CDH13: variants seen among roughly 807,000 people sequenced by gnomAD.
CDH13 encodes the protein cadherin-13.
A neutral mutation model predicts 63.8 loss-of-function variants in CDH13; 24 were observed. The observed-to-expected ratio is 0.38, with a 90% CI of 0.27 to 0.53. The LOEUF is 0.53. Ranked by LOEUF, CDH13 falls within the 20% of genes least tolerant of loss-of-function variation. The pLI is 0.85. For missense variants in CDH13, 1,049 were observed against 903.1 expected (o/e 1.16, Z -2.07); for synonymous variants, 503 against 355.3 (o/e 1.42, Z -4.67).
chr16:82,669,180 C>G (rs950915513), intron 1 of CDH13, among the ~76,000 whole-genome samples: 2 of 152,184 alleles, frequency 1.3e-5, no homozygotes, highest in Admixed American at 6.5e-5. Flanking sequence ...CCATCGGAAA[C>G]CTCTTGAGGA....
intron 1 of CDH13, chr16:82,705,055 C>T (rs1192399454): frequency 4.6e-6 from 2 of 435,832 alleles, no homozygotes; most frequent in Non-Finnish European, 9.0e-6. Context: ...TCTTTTTATT[C>T]TTGTAGACAC....
At chr16:83,751,790 G>A (rs1289865018) in intron 11 of CDH13, among the ~76,000 whole-genome samples, 1 of 152,210 alleles carries the variant, frequency 6.6e-6, no homozygotes, top group Non-Finnish European at 1.5e-5. Context: ...GCAATATTCA[G>A]GTTTCTGGTC....
chr16:83,626,807 C>G (rs1049110354), intron 8 of CDH13, among the ~76,000 whole-genome samples: 13 of 152,096 alleles, frequency 8.5e-5, no homozygotes, highest in Admixed American at 7.9e-4. Flanking sequence ...GAATTTAGTC[C>G]TGAATCCCAC....
At chr16:83,765,552 A>G (rs11639876) in intron 11 of CDH13, among the ~76,000 whole-genome samples, 4,913 of 119,042 alleles carry the variant, frequency 0.041, 119 homozygotes, top group East Asian at 0.095. Context: ...ATATATATAT[A>G]TACACACACA....
At chr16:83,423,357 T>G (rs537184285) in intron 6 of CDH13, among the ~76,000 whole-genome samples, 2 of 152,274 alleles carry the variant, frequency 1.3e-5, no homozygotes, top group African/African-American at 4.8e-5. Context: ...AAAAAAAGCC[T>G]AAAGCCACTC....
chr16:83,275,863 G>C (rs1291927915), intron 5 of CDH13, among the ~76,000 whole-genome samples: 1 of 152,186 alleles, frequency 6.6e-6, no homozygotes, highest in Non-Finnish European at 1.5e-5. Flanking sequence ...GGTCACAAAT[G>C]AGCCATGAAA....
At chr16:83,505,778 G>A (rs1472350962) in intron 7 of CDH13, among the ~76,000 whole-genome samples, 3 of 151,986 alleles carry the variant, frequency 2.0e-5, no homozygotes, top group Admixed American at 6.5e-5. Context: ...CCTGACCTCA[G>A]GTGATCCACC....
intron 10 of CDH13, among the ~76,000 whole-genome samples, chr16:83,722,347 C>G (rs1909806580): frequency 1.3e-5 from 2 of 152,100 alleles, no homozygotes; most frequent in South Asian, 4.1e-4. Flanking sequence ...AAAGGGGATC[C>G]CTGTTATTCG....
intron 9 of CDH13, among the ~76,000 whole-genome samples, chr16:83,673,087 A>G (rs1914655218): frequency 6.6e-6 from 1 of 152,246 alleles, no homozygotes; most frequent in Non-Finnish European, 1.5e-5. Flanking sequence ...TTATTCATAC[A>G]TAGTACATTC....
intron 5 of CDH13, among the ~76,000 whole-genome samples, chr16:83,254,160 G>C (rs888090400): frequency 2.0e-5 from 3 of 152,184 alleles, no homozygotes; most frequent in Admixed American, 6.5e-5. Flanking sequence ...CTTAAATCCA[G>C]GCATCAGGTG....
At chr16:83,262,160 T>C (rs572869596) in intron 5 of CDH13, among the ~76,000 whole-genome samples, 3 of 152,134 alleles carry the variant, frequency 2.0e-5, no homozygotes, top group Non-Finnish European at 2.9e-5. Context: ...GTCATATAAA[T>C]TGAATATAAG....
intron 2 of CDH13, among the ~76,000 whole-genome samples, chr16:82,972,378 A>G (rs1323226596): frequency 2.0e-5 from 3 of 152,196 alleles, no homozygotes; most frequent in Admixed American, 6.5e-5. Context: ...TGTTCATTCC[A>G]TTTCTGCAGA....
chr16:82,841,869 A>G (rs2151132967), intron 1 of CDH13, among the ~76,000 whole-genome samples: 1 of 152,102 alleles, frequency 6.6e-6, no homozygotes, highest in South Asian at 2.1e-4. Flanking sequence ...ACAGCTCTTC[A>G]CAACTCCGTA....
chr16:83,075,460 T>G (rs569223829), intron 3 of CDH13, among the ~76,000 whole-genome samples: 5 of 152,320 alleles, frequency 3.3e-5, no homozygotes, highest in Non-Finnish European at 7.3e-5. Context: ...AGGACAATGT[T>G]CTTGACCTAG....
intron 2 of CDH13, among the ~76,000 whole-genome samples, chr16:82,875,334 A>G (rs1450894621): frequency 1.3e-5 from 2 of 152,226 alleles, no homozygotes; most frequent in East Asian, 3.9e-4. Flanking sequence ...TAATTACAAT[A>G]TGATGACTTA....
intron 3 of CDH13, among the ~76,000 whole-genome samples, chr16:83,122,781 A>T (rs1205872270): frequency 6.6e-6 from 1 of 152,224 alleles, no homozygotes; most frequent in African/African-American, 2.4e-5. Flanking sequence ...GTATCGGAAG[A>T]GTATCTAAAA....
intron 1 of CDH13, among the ~76,000 whole-genome samples, chr16:82,688,667 A>G (rs1031537633): frequency 6.6e-6 from 1 of 152,286 alleles, no homozygotes; most frequent in Admixed American, 6.5e-5. Flanking sequence ...GTAACAAGAA[A>G]TAAAGATCCG....
chr16:83,392,600 A>G (rs913732827), intron 6 of CDH13, among the ~76,000 whole-genome samples: 2 of 152,180 alleles, frequency 1.3e-5, no homozygotes, highest in African/African-American at 2.4e-5. Context: ...CACAGAAGGT[A>G]CTGACGGTTC....
intron 1 of CDH13, among the ~76,000 whole-genome samples, chr16:82,652,224 G>C (rs765474092): frequency 6.6e-6 from 1 of 152,146 alleles, no homozygotes; most frequent in Admixed American, 6.5e-5. Flanking sequence ...ATCATTATTG[G>C]TTTGTCATCC....
Sources: allele counts gnomAD v4.1 joint callset (sites outside exome capture counted in the v4.1 genomes callset), GRCh38; gene constraint gnomAD v4.1.1; transcripts MANE v1.5; gene names NCBI Gene and HGNC (gene_info 2026-07-23, HGNC 2026-07-21).